Variants in RIC1 observed in about 807,000 individuals in gnomAD.
The protein encoded by RIC1 is guanine nucleotide exchange factor subunit RIC1.
Under a neutral mutation model 169.0 loss-of-function variants are expected in RIC1, and 88 were observed. The ratio of observed to expected loss-of-function variants is 0.52; its 90% CI spans 0.44 to 0.62. RIC1 has a LOEUF of 0.62. RIC1 is among the 20% of genes least tolerant of loss of function. The probability of loss-of-function intolerance (pLI) is 0.00; values close to 1 mark genes in which losing one functional copy is unlikely to be tolerated. For synonymous variants in RIC1, 790 were observed against 601.5 expected, an observed-to-expected ratio of 1.31 and a Z score of -4.59; for missense variants, 1,877 against 1,725.5, an observed-to-expected ratio of 1.09 and a Z score of -1.56.
At position 5,763,784 on chromosome 9, in the gene RIC1, T is replaced by C. The variant is rs1426002586; in HGVS notation, c.2757T>C (p.Ala919=). The C allele has an allele frequency of 1.9e-6, 3 of 1,614,120 alleles. No individual in the cohort carries two copies. The African/African-American group carries it at 4.0e-5, about 22-fold the overall frequency. ...EYALWNYLFA[A]VGNPKDLFEE... ...CCCTGTGGAATTACCTTTTTGCAGC[T>C]GTTGGAAACCCTAAGGACTTGTTTG... The change falls in exon 19 of 26, where the codon GCT becomes GCC. Residue 919 remains alanine (A), a synonymous_variant. Coordinates refer to ENST00000414202, the MANE Select transcript of RIC1 (RefSeq NM_020829.4). The surrounding 1 kb of genome is among the most constrained non-coding windows in gnomAD (Gnocchi z 5.2).
At chr9:5,630,040 C>G (rs1464593497) in intron 1 of RIC1, among the ~76,000 whole-genome samples, 1 of 152,166 alleles carries the variant, frequency 6.6e-6, no homozygotes, top group Non-Finnish European at 1.5e-5. Flanking sequence ...TGGTCTTTTT[C>G]TTTGCTGCTG....
At chr9:5,688,549 A>T (rs868801730) in intron 2 of RIC1, among the ~76,000 whole-genome samples, 1 of 152,166 alleles carries the variant, frequency 6.6e-6, no homozygotes, top group South Asian at 2.1e-4. Flanking sequence ...AAGAACATAA[A>T]ATTGCACATA....
chr9:5,740,854 G>T (rs866235747), intron 8 of RIC1, among the ~76,000 whole-genome samples: 29 of 152,008 alleles, frequency 1.9e-4, no homozygotes, highest in Non-Finnish European at 1.9e-4. Context: ...TTGACACTCA[G>T]TGTTAACCAT....
chr9:5,729,413 C>G (rs985766680), intron 6 of RIC1, among the ~76,000 whole-genome samples: 1 of 152,268 alleles, frequency 6.6e-6, no homozygotes, highest in African/African-American at 2.4e-5. Flanking sequence ...CCCTGAATTC[C>G]CAAGCCTTTC....
At chr9:5,641,303 G>C (rs1446251450) in intron 1 of RIC1, among the ~76,000 whole-genome samples, 3 of 152,046 alleles carry the variant, frequency 2.0e-5, no homozygotes, top group Non-Finnish European at 2.9e-5. Flanking sequence ...GTGTTAGCCA[G>C]GATGGTCTCG....
At chr9:5,658,744 G>T (rs752741264) in intron 2 of RIC1, among the ~76,000 whole-genome samples, 8 of 151,922 alleles carry the variant, frequency 5.3e-5, no homozygotes, top group Non-Finnish European at 1.2e-4. Context: ...TTCAGAGATG[G>T]AAGCAGGAAT....
chr9:5,717,466 A>G lies in RIC1; in HGVS notation c.441-2716A>G, dbSNP rs569772260. On this transcript the variant is annotated intron_variant, in intron 4 of 25. Coordinates refer to ENST00000414202, the MANE Select transcript of RIC1 (RefSeq NM_020829.4). The stretch of plus-strand genomic sequence containing the variant: ...AACTTGAAGTAATCAAAAGGATCAG[A>G]TTCTGGAATTAATGCAAGCAGAAAG... Among the ~76,000 whole-genome samples, 51 of 152,270 alleles carry G rather than the reference A, an allele frequency of 3.3e-4. 1 individual carries two copies. In the South Asian group the frequency reaches 0.01, roughly 30 times the overall value.
At chr9:5,737,691 T>TG (rs1385694595) in intron 7 of RIC1, among the ~76,000 whole-genome samples, 1 of 151,798 alleles carries the variant, frequency 6.6e-6, no homozygotes, top group East Asian at 1.9e-4. Flanking sequence ...AAAATTTACA[T>TG]ATAACTTTTG....
chr9:5,710,080 GA>G (rs1439657799), intron 3 of RIC1, among the ~76,000 whole-genome samples: 1 of 152,032 alleles, frequency 6.6e-6, no homozygotes, highest in African/African-American at 2.4e-5. Flanking sequence ...AATCCAAAGA[GA>G]AAGATAAATA....
At chr9:5,682,097 C>G (rs1471558176) in intron 2 of RIC1, among the ~76,000 whole-genome samples, 1 of 152,124 alleles carries the variant, frequency 6.6e-6, no homozygotes, top group Non-Finnish European at 1.5e-5. Flanking sequence ...ACTGATGGGT[C>G]TTGAGTCTTT....
intron 10 of RIC1, 90 bp from the exon 11 acceptor site, chr9:5,745,841 C>A: frequency 1.9e-6 from 2 of 1,074,762 alleles, no homozygotes; most frequent in Non-Finnish European, 2.7e-6. Context: ...CTATCATTGG[C>A]TATTTCAGAA....
intron 1 of RIC1, among the ~76,000 whole-genome samples, chr9:5,637,155 G>A (rs542387130): frequency 3.2e-4 from 48 of 152,226 alleles, no homozygotes; most frequent in African/African-American, 1.1e-3. Flanking sequence ...TGCCTACTGG[G>A]CTCAAGCAGC....
intron 6 of RIC1, among the ~76,000 whole-genome samples, chr9:5,731,316 G>T (rs1172172031): frequency 6.6e-6 from 1 of 151,946 alleles, no homozygotes; most frequent in African/African-American, 2.4e-5. Context: ...AATGCTCACT[G>T]CTGTCTTTAC....
intron 21 of RIC1, among the ~76,000 whole-genome samples, 165 bp from the exon 22 acceptor site, chr9:5,768,805 G>A (rs1030128260): frequency 6.6e-6 from 1 of 152,160 alleles, no homozygotes. Flanking sequence ...GAGGGTTGTG[G>A]TGTAACACGG....
At chr9:5,661,815 C>G (rs766567250) in intron 2 of RIC1, among the ~76,000 whole-genome samples, 20 of 151,962 alleles carry the variant, frequency 1.3e-4, no homozygotes, top group Non-Finnish European at 2.6e-4. Flanking sequence ...ATTTGAATAC[C>G]CTTTATTTCT....
chr9:5,708,821 C>G (rs558977290), intron 3 of RIC1, among the ~76,000 whole-genome samples: 1 of 152,082 alleles, frequency 6.6e-6, no homozygotes. Context: ...TTCATATATT[C>G]TCTTTTCTCT....
chr9:5,686,521 A>C (rs201393096), intron 2 of RIC1, among the ~76,000 whole-genome samples: 2 of 151,752 alleles, frequency 1.3e-5, no homozygotes, highest in African/African-American at 2.4e-5. Context: ...GTAAACTATC[A>C]CAAGAACAAA....
At chr9:5,755,721 A>G (rs1460344240) in intron 15 of RIC1, among the ~76,000 whole-genome samples, 1 of 152,178 alleles carries the variant, frequency 6.6e-6, no homozygotes, top group Non-Finnish European at 1.5e-5. Flanking sequence ...TCAGGAGTTC[A>G]AGACCAGCCA....
chr9:5,655,357 G>T (rs550578164), intron 1 of RIC1, among the ~76,000 whole-genome samples: 1 of 152,288 alleles, frequency 6.6e-6, no homozygotes, highest in African/African-American at 2.4e-5. Context: ...CTGGAGTGCA[G>T]TCTCACAATC....
Sources: gnomAD v4.1 joint callset for allele counts (sites outside exome capture counted in the v4.1 genomes callset) on GRCh38, gnomAD v4.1.1 for gene constraint, Gnocchi (gnomAD v3.1) non-coding constraint, MANE v1.5 for transcripts, NCBI Gene and HGNC (gene_info 2026-07-23, HGNC 2026-07-21) for gene names.